The following PTPRB variants were observed in gnomAD, a reference collection of about 807,000 sequenced individuals.
PTPRB encodes the protein receptor-type tyrosine-protein phosphatase beta.
Under a neutral mutation model 238.1 loss-of-function variants are expected in PTPRB, and 97 were observed. The ratio of observed to expected loss-of-function variants is 0.41; its 90% confidence interval spans 0.35 to 0.48. The LOEUF is 0.48. Among genes scored for constraint, PTPRB ranks in the 20% least tolerant of loss-of-function variants. PTPRB has a pLI of 0.30. For missense variants in PTPRB, 2,292 were observed against 2,681.9 expected (o/e 0.85, Z 3.21); for synonymous variants, 970 against 995.4 (o/e 0.97, Z 0.48).
intron 2 of PTPRB, among the ~76,000 whole-genome samples, chr12:70,625,551 G>T (rs1447180514): frequency 1.4e-5 from 2 of 147,156 alleles, no homozygotes; most frequent in Non-Finnish European, 3.0e-5. Flanking sequence ...AGATGATTAA[G>T]TTTTTTTTTT....
intron 3 of PTPRB, among the ~76,000 whole-genome samples, chr12:70,614,863 A>T (rs905989437): frequency 2.0e-5 from 3 of 152,210 alleles, no homozygotes; most frequent in Non-Finnish European, 4.4e-5. Context: ...AATGTAGAGA[A>T]ATGTTACTTT....
At chr12:70,539,484 G>A (rs534545305) in intron 26 of PTPRB, 141 bp downstream of exon 26, 7 of 669,864 alleles carry the variant, frequency 1.0e-5, no homozygotes, top group Non-Finnish European at 1.8e-5. Flanking sequence ...CATAGTTTAG[G>A]CATAAAAGAG....
At chr12:70,609,378 C>G (rs980926265) in intron 3 of PTPRB, 39 bp from the exon 4 acceptor site, 2 of 1,596,318 alleles carry the variant, frequency 1.3e-6, no homozygotes, top group Non-Finnish European at 1.7e-6. Context: ...AGTCCACAGT[C>G]TGGACTGCTC....
At chr12:70,605,915 T>G (rs980613518) in intron 4 of PTPRB, among the ~76,000 whole-genome samples, 1 of 151,830 alleles carries the variant, frequency 6.6e-6, no homozygotes, top group Non-Finnish European at 1.5e-5. Flanking sequence ...CTACAAGAAG[T>G]GAAAAAAAAA....
At chr12:70,561,018 G>T in intron 16 of PTPRB, 84 bp from the exon 17 acceptor site, 1 of 1,387,134 alleles carries the variant, frequency 7.2e-7, no homozygotes, top group Non-Finnish European at 1.0e-6. Flanking sequence ...TGCTATGTTG[G>T]GCATGTGGGT....
intron 2 of PTPRB, among the ~76,000 whole-genome samples, chr12:70,625,594 C>T (rs766934409): frequency 6.0e-5 from 9 of 151,202 alleles, no homozygotes; most frequent in Non-Finnish European, 1.5e-5. Context: ...GAAACAGGTG[C>T]TGTGAAATTT....
At chr12:70,587,771 A>G (rs1882065329) in intron 8 of PTPRB, among the ~76,000 whole-genome samples, 1 of 152,134 alleles carries the variant, frequency 6.6e-6, no homozygotes. Context: ...GATTCCTTTA[A>G]AAGGTTTTAT....
chr12:70,551,986 C>T (rs993669837), intron 21 of PTPRB, among the ~76,000 whole-genome samples: 5 of 152,138 alleles, frequency 3.3e-5, no homozygotes, highest in African/African-American at 9.7e-5. Context: ...ATTCAGGGGT[C>T]TTTGCCTTCC....
In PTPRB at chr12:70,596,355, A is replaced by ACACACACACACACAC. The variant is rs1555234327; in HGVS notation, c.980-29_980-28insGTGTGTGTGTGTGTG. On this transcript the variant is annotated intron_variant, in intron 4 of 33. Transcript: ENST00000334414. ...GCAAGGCAAATACACACACACACAC[A>ACACACACACACACAC]AAAAAAAAAAAGAAAGAAAAAGAAA... 5 of 926,606 alleles carry ACACACACACACACAC rather than the reference A, an allele frequency of 5.4e-6. No homozygotes were observed. In the African/African-American group the frequency reaches 1.3e-4, roughly 24 times the overall value. 57.4% of individuals were successfully genotyped at this position (926,606 alleles called of 1,614,324 possible).
At chr12:70,617,400 C>T (rs979378550) in intron 3 of PTPRB, among the ~76,000 whole-genome samples, 4 of 152,178 alleles carry the variant, frequency 2.6e-5, no homozygotes, top group Non-Finnish European at 4.4e-5. Flanking sequence ...TTTGTAGCAT[C>T]AGCAGTCTCA....
intron 1 of PTPRB, 31 bp downstream of exon 1, chr12:70,637,310 T>C (rs766249788): frequency 6.3e-7 from 1 of 1,582,588 alleles, no homozygotes; most frequent in South Asian, 1.1e-5. Flanking sequence ...CTTGAAGAAA[T>C]GCCTCAGGAC....
chr12:70,535,324 A>G (rs1285306985), intron 29 of PTPRB, among the ~76,000 whole-genome samples: 2 of 146,966 alleles, frequency 1.4e-5, no homozygotes, highest in Admixed American at 1.4e-4. Context: ...AGAAAGAAAT[A>G]TCTAGTTGGG....
intron 18 of PTPRB, among the ~76,000 whole-genome samples, chr12:70,556,768 A>G (rs1260443198): frequency 6.6e-6 from 1 of 152,202 alleles, no homozygotes; most frequent in Non-Finnish European, 1.5e-5. Context: ...AAGAAGCCAG[A>G]GGGGGAAAAA....
Position 70,609,133 on chromosome 12 carries a change from T to A in PTPRB, c.915A>T (p.Ala305=). 6.2e-7 allele frequency: 1 copy of A among 1,613,984 alleles called. No homozygotes were observed. Among genetic ancestry groups the A allele is most frequent in the Non-Finnish European group, 8.5e-7 (1 of 1,179,838 alleles). The change falls in exon 4 of 34, where the codon GCA becomes GCT. Residue 305 remains alanine, a synonymous_variant. Coordinates refer to ENST00000334414, the MANE Select transcript of PTPRB (RefSeq NM_001109754.4). ...TAATCCTGAAGTTATAGATGGTTCC[T>A]GCTTGTAAATCTTGAAGGTTACATC... ...TYGCNLQDLQ[A]GTIYNFRIIS...
Position 70,569,781 on chromosome 12 carries a change from G to T in PTPRB, c.3528C>A (p.Val1176=). 1 of 1,613,900 alleles carries T rather than the reference G, an allele frequency of 6.2e-7. No homozygotes were observed. Among genetic ancestry groups the T allele is most frequent in the Non-Finnish European group, 8.5e-7 (1 of 1,179,846 alleles). ...KVDSQTIPKH[V]FEHTFHRLEA... The stretch of plus-strand genomic sequence containing the variant: ...CCAGTCTGTGGAACGTGTGCTCAAA[G>T]ACGTGCTTGGGAATAGTCTGAGAGT... The change falls in exon 14 of 34, where the codon GTC becomes GTA. Residue 1176 remains valine, a synonymous_variant. Transcript: ENST00000334414.
chr12:70,536,188 A>G, intron 28 of PTPRB, 29 bp from the exon 29 acceptor site: 2 of 1,604,022 alleles, frequency 1.2e-6, no homozygotes, highest in Non-Finnish European at 1.7e-6. Context: ...ATGGAGAGTC[A>G]GAAACAATGG....
intron 3 of PTPRB, among the ~76,000 whole-genome samples, chr12:70,615,836 G>A (rs1219461839): frequency 6.6e-6 from 1 of 152,082 alleles, no homozygotes. Context: ...TGATAACATT[G>A]GCTTTAAAGA....
intron 5 of PTPRB, 121 bp from the exon 6 acceptor site, chr12:70,594,845 G>A: frequency 8.1e-7 from 1 of 1,233,236 alleles, no homozygotes; most frequent in Non-Finnish European, 1.1e-6. Context: ...CTTGATAATA[G>A]CATTAGTAAA....
In PTPRB at chr12:70,569,691, A is replaced by G. The variant is rs1879782125; in HGVS notation, c.3618T>C (p.Asn1206=). 1.2e-6 allele frequency: 2 copies of G among 1,613,732 alleles called. No homozygotes were observed. The highest frequency in any genetic ancestry group is 1.7e-6 in the Non-Finnish European group (2 of 1,179,880). The stretch of plus-strand genomic sequence containing the variant: ...GATGCTTACCTGTCCGCCCAACCAC[A>G]TTTATCTGATTCTTCAGGGACCCGC... The part of the protein sequence containing the change: ...SVSGSLKNQI[N]VVGRTVPASV... The change falls in exon 14 of 34, where the codon AAT becomes AAC. Residue 1206 remains asparagine (N), a synonymous_variant. Coordinates refer to ENST00000334414, the MANE Select transcript of PTPRB (RefSeq NM_001109754.4).
Sources: allele counts gnomAD v4.1 joint callset (sites outside exome capture counted in the v4.1 genomes callset), GRCh38; gene constraint gnomAD v4.1.1; transcripts MANE v1.5; gene names NCBI Gene and HGNC (gene_info 2026-07-23, HGNC 2026-07-21).